SCHIP1: variants seen among roughly 807,000 people sequenced by gnomAD.
SCHIP1 encodes schwannomin-interacting protein 1.
In SCHIP1, 8 loss-of-function variants were observed where a neutral mutation model predicts 29.7. The ratio of observed to expected loss-of-function variants is 0.27; its 90% CI spans 0.16 to 0.49. The LOEUF (loss-of-function observed/expected upper bound fraction) is 0.49. Among genes scored for constraint, SCHIP1 ranks in the 20% least tolerant of loss-of-function variants. The pLI, the probability that SCHIP1 is intolerant of heterozygous loss-of-function variation, is 0.99. For synonymous variants in SCHIP1, 76 were observed against 94.9 expected (o/e 0.80, Z 1.16); for missense variants, 193 against 294.6 (o/e 0.66, Z 2.52).
At chr3:159,675,469 C>G in the SCHIP1 span, among the ~76,000 whole-genome samples, 4 of 152,184 alleles carry the variant, frequency 2.6e-5, no homozygotes, top group African/African-American at 9.7e-5. Flanking sequence ...TTGTTTTTCA[C>G]ACTCTAAAAA....
the SCHIP1 span, among the ~76,000 whole-genome samples, chr3:159,431,807 CA>C: frequency 0.017 from 1,406 of 83,764 alleles, 14 homozygotes; most frequent in East Asian, 0.063. Flanking sequence ...GATTCCATCT[CA>C]AAAAAAAAAA....
At chr3:159,764,954 G>C in the SCHIP1 span, 2 of 1,490,522 alleles carry the variant, frequency 1.3e-6, no homozygotes, top group Non-Finnish European at 1.8e-6. The surrounding 1 kb of genome is among the most constrained non-coding windows in gnomAD (Gnocchi z 6.1). Flanking sequence ...GGGGGCCGGC[G>C]CAGTGGCCGC....
the SCHIP1 span, among the ~76,000 whole-genome samples, chr3:159,738,688 C>T: frequency 1.3e-5 from 2 of 152,242 alleles, no homozygotes; most frequent in Middle Eastern, 3.4e-3. Context: ...ATATTGTTCT[C>T]ATGGAACTTA....
chr3:159,465,946 C>T, the SCHIP1 span, among the ~76,000 whole-genome samples: 1 of 152,006 alleles, frequency 6.6e-6, no homozygotes, highest in Admixed American at 6.6e-5. Flanking sequence ...GAATACGATC[C>T]TACTGAGTGA....
the SCHIP1 span, among the ~76,000 whole-genome samples, chr3:159,821,316 G>C: frequency 6.6e-6 from 1 of 152,224 alleles, no homozygotes; most frequent in Non-Finnish European, 1.5e-5. Flanking sequence ...TTGTCTAGGA[G>C]AGTGTGGGAG....
At chr3:159,596,681 G>A in the SCHIP1 span, among the ~76,000 whole-genome samples, 44 of 151,888 alleles carry the variant, frequency 2.9e-4, no homozygotes, top group African/African-American at 8.9e-4. Flanking sequence ...CCATCACTCC[G>A]AGCAAACTAT....
chr3:159,768,983 G>A, the SCHIP1 span, among the ~76,000 whole-genome samples: 1 of 152,146 alleles, frequency 6.6e-6, no homozygotes, highest in Non-Finnish European at 1.5e-5. Flanking sequence ...CTTGTATTCC[G>A]TCTTGTGCGT....
chr3:159,836,253 T>A (rs1743651205), upstream of SCHIP1, among the ~76,000 whole-genome samples: 1 of 152,186 alleles, frequency 6.6e-6, no homozygotes, highest in East Asian at 1.9e-4. Context: ...TAAGGCAGTG[T>A]CTCATGAGGC....
chr3:159,541,120 A>G, the SCHIP1 span, among the ~76,000 whole-genome samples: 1 of 152,142 alleles, frequency 6.6e-6, no homozygotes, highest in Non-Finnish European at 1.5e-5. Context: ...GACACTCAAC[A>G]GAAGGTTAAG....
the SCHIP1 span, among the ~76,000 whole-genome samples, chr3:159,473,070 C>T: frequency 6.6e-5 from 10 of 152,006 alleles, no homozygotes; most frequent in African/African-American, 2.4e-4. Flanking sequence ...TCAATGAACT[C>T]AGTTTAAAAA....
At chr3:159,530,702 C>A in the SCHIP1 span, among the ~76,000 whole-genome samples, 72 of 152,294 alleles carry the variant, frequency 4.7e-4, no homozygotes, top group Non-Finnish European at 2.9e-4. Context: ...ACAGACAACC[C>A]ATTTCCTGCA....
the SCHIP1 span, among the ~76,000 whole-genome samples, chr3:159,426,384 C>T: frequency 1.4e-3 from 214 of 152,248 alleles, no homozygotes; most frequent in Middle Eastern, 3.4e-3. Flanking sequence ...TACAAACTAC[C>T]ATCAGAGAAT....
the SCHIP1 span, among the ~76,000 whole-genome samples, chr3:159,295,268 A>G: frequency 2.8e-5 from 4 of 144,988 alleles, no homozygotes; most frequent in South Asian, 4.4e-4. Flanking sequence ...AAAAAAAAAA[A>G]AAAAAAAACA....
chr3:159,301,486 A>G, the SCHIP1 span, among the ~76,000 whole-genome samples: 2 of 152,172 alleles, frequency 1.3e-5, no homozygotes, highest in African/African-American at 4.8e-5. Flanking sequence ...AGGTCATAGA[A>G]TTCTCACGTT....
the SCHIP1 span, among the ~76,000 whole-genome samples, chr3:159,530,940 A>G: frequency 5.3e-5 from 8 of 152,218 alleles, no homozygotes; most frequent in African/African-American, 1.9e-4. Flanking sequence ...ATGTGATAGC[A>G]TCAGCCACAT....
chr3:159,577,098 T>C, the SCHIP1 span, among the ~76,000 whole-genome samples: 1 of 152,146 alleles, frequency 6.6e-6, no homozygotes, highest in Non-Finnish European at 1.5e-5. Context: ...AAGAACATAA[T>C]TTTCATTATC....
intron 1 of SCHIP1, among the ~76,000 whole-genome samples, chr3:159,840,957 A>G (rs1744162932): frequency 1.3e-5 from 2 of 152,230 alleles, no homozygotes; most frequent in Admixed American, 1.3e-4. Flanking sequence ...CATAGAAAGT[A>G]TCTTTGTTGA....
chr3:159,889,077 A>C, intron 5 of SCHIP1, 134 bp downstream of exon 6: 1 of 1,243,454 alleles, frequency 8.0e-7, no homozygotes, highest in Non-Finnish European at 1.1e-6. Flanking sequence ...TAAGAGAATC[A>C]CAAGGCTCTT....
At chr3:159,506,739 C>T in the SCHIP1 span, among the ~76,000 whole-genome samples, 2 of 152,294 alleles carry the variant, frequency 1.3e-5, no homozygotes, top group Middle Eastern at 6.8e-3. Flanking sequence ...CTCCCCATTT[C>T]TTGTTTTTCT....
Sources: gnomAD v4.1 joint callset for allele counts (sites outside exome capture counted in the v4.1 genomes callset) on GRCh38, gnomAD v4.1.1 for gene constraint, Gnocchi (gnomAD v3.1) non-coding constraint, MANE v1.5 for transcripts, NCBI Gene and HGNC (gene_info 2026-07-23, HGNC 2026-07-21) for gene names.